ALK: variants seen among roughly 807,000 people sequenced by gnomAD.
ALK encodes ALK receptor tyrosine kinase, also known as ALK tyrosine kinase receptor.
Under a neutral mutation model 163.1 loss-of-function variants are expected in ALK, and 74 were observed. The ratio of observed to expected loss-of-function variants is 0.45; its 90% CI spans 0.38 to 0.55. The LOEUF (loss-of-function observed/expected upper bound fraction) is 0.55. ALK is among the 20% of genes least tolerant of loss of function. The pLI is 0.00. For missense variants in ALK, 2,063 were observed against 2,105.3 expected, an observed-to-expected ratio of 0.98 and a Z score of 0.39; for synonymous variants, 960 against 843.2, an observed-to-expected ratio of 1.14 and a Z score of -2.40.
At chr2:29,761,347 C>A (rs779560535) in intron 1 of ALK, among the ~76,000 whole-genome samples, 1 of 152,156 alleles carries the variant, frequency 6.6e-6, no homozygotes, top group Non-Finnish European at 1.5e-5. Flanking sequence ...GGGACATATT[C>A]CTTGACCTTT....
chr2:29,506,218 C>T (rs1343003429), intron 4 of ALK, among the ~76,000 whole-genome samples: 1 of 152,178 alleles, frequency 6.6e-6, no homozygotes, highest in Admixed American at 6.5e-5. Flanking sequence ...AAACTTTGGG[C>T]ATTTAATCCC....
chr2:29,587,009 G>A (rs1462749720), intron 3 of ALK, among the ~76,000 whole-genome samples: 4 of 152,138 alleles, frequency 2.6e-5, no homozygotes, highest in Non-Finnish European at 4.4e-5. Context: ...ACCCTTACCT[G>A]CCCCTCAATG....
In ALK at chr2:29,531,900, T is replaced by G; in HGVS notation, c.1154+15A>C. 1.2e-6 allele frequency: 2 copies of G among 1,613,944 alleles called. No individual in the cohort carries two copies. Among genetic ancestry groups the G allele is most frequent in the Non-Finnish European group, 8.5e-7 (1 of 1,179,922 alleles). On this transcript the variant is annotated intron_variant, in intron 4 of 28. Coordinates refer to ENST00000389048, the MANE Select transcript of ALK (RefSeq NM_004304.5). The stretch of plus-strand genomic sequence containing the variant: ...CCTGGTATAAAATCAATTTTGGACA[T>G]GGAGAAGTACTTACCCATGCTTCCC...
intron 3 of ALK, among the ~76,000 whole-genome samples, chr2:29,692,413 G>A (rs917660365): frequency 6.6e-6 from 1 of 152,180 alleles, no homozygotes; most frequent in Non-Finnish European, 1.5e-5. Context: ...TTGGCATCAA[G>A]GACTAGTTTC....
At chr2:29,363,032 T>C (rs774073249) in intron 5 of ALK, among the ~76,000 whole-genome samples, 4 of 152,210 alleles carry the variant, frequency 2.6e-5, no homozygotes, top group Non-Finnish European at 4.4e-5. Flanking sequence ...TTCATCAACA[T>C]CCATGACTTG....
At chr2:29,602,436 A>C (rs1411576722) in intron 3 of ALK, among the ~76,000 whole-genome samples, 1 of 152,206 alleles carries the variant, frequency 6.6e-6, no homozygotes, top group Non-Finnish European at 1.5e-5. Context: ...AGTAGGGCTG[A>C]TCTGGTTAAA....
At chr2:29,467,980 A>G (rs1671253430) in intron 4 of ALK, among the ~76,000 whole-genome samples, 1 of 152,156 alleles carries the variant, frequency 6.6e-6, no homozygotes. Flanking sequence ...ATCCAACATG[A>G]TAAGAATCGA....
intron 1 of ALK, among the ~76,000 whole-genome samples, chr2:29,722,188 C>T (rs888688597): frequency 4.6e-5 from 7 of 152,192 alleles, no homozygotes; most frequent in Admixed American, 2.6e-4. Flanking sequence ...GAGGAGGAAA[C>T]GTCTCCTTTT....
Position 29,547,422 on chromosome 2 carries a change from C to A in ALK, c.953-15306G>T, listed in dbSNP as rs56289802. Among the ~76,000 whole-genome samples the A allele has an allele frequency of 4.0e-3, 614 of 152,240 alleles. 6 individuals carry two copies. The highest frequency in any genetic ancestry group is 0.013 in the African/African-American group (536 of 41,552). On this transcript the variant is annotated intron_variant, in intron 3 of 28. Transcript: ENST00000389048. ...GATCAGCCTGGGCAACATGGTGAAA[C>A]CCCATCTCTACTAAAATACAAAAGA...
chr2:29,464,413 A>G (rs1671157047), intron 4 of ALK, among the ~76,000 whole-genome samples: 1 of 152,186 alleles, frequency 6.6e-6, no homozygotes, highest in South Asian at 2.1e-4. Flanking sequence ...TCTCCTGTTG[A>G]GTCATGAAAA....
At chr2:29,569,009 G>A (rs1674276811) in intron 3 of ALK, among the ~76,000 whole-genome samples, 1 of 152,142 alleles carries the variant, frequency 6.6e-6, no homozygotes, top group Non-Finnish European at 1.5e-5. Flanking sequence ...TCAGACCTTA[G>A]CCTTGGCTCT....
intron 5 of ALK, among the ~76,000 whole-genome samples, chr2:29,342,839 C>A (rs75181221): frequency 1.8e-3 from 275 of 151,234 alleles, no homozygotes; most frequent in African/African-American, 6.3e-3. Context: ...AGTGACGAAG[C>A]CTCTGAGCTA....
At chr2:29,686,406 C>T (rs1475178326) in intron 3 of ALK, among the ~76,000 whole-genome samples, 1 of 152,184 alleles carries the variant, frequency 6.6e-6, no homozygotes, top group Non-Finnish European at 1.5e-5. Flanking sequence ...AGGTGGGTCT[C>T]TCTCCCTGGG....
At chr2:29,595,534 A>C (rs533466385) in intron 3 of ALK, among the ~76,000 whole-genome samples, 1 of 152,080 alleles carries the variant, frequency 6.6e-6, no homozygotes, top group South Asian at 2.1e-4. Context: ...GTTAGGCAGG[A>C]TGGTCTCGAT....
intron 3 of ALK, among the ~76,000 whole-genome samples, chr2:29,648,172 C>A (rs1553341597): frequency 6.6e-6 from 1 of 152,048 alleles, no homozygotes; most frequent in Non-Finnish European, 1.5e-5. Context: ...AATGCCTACC[C>A]CAATTTAGTT....
chr2:29,573,089 C>T (rs1030492985), intron 3 of ALK, among the ~76,000 whole-genome samples: 16 of 152,244 alleles, frequency 1.1e-4, no homozygotes, highest in African/African-American at 3.6e-4. Flanking sequence ...CCTGGCTTCT[C>T]TTTTCCTGAT....
chr2:29,532,171 T>C lies in ALK; in HGVS notation c.953-55A>G, dbSNP rs1673139639. The C allele has an allele frequency of 2.6e-6, 4 of 1,540,816 alleles. No homozygotes were observed. The African/African-American group carries it at 5.5e-5, about 21-fold the overall frequency. ...AGATGTGTTCAGGTAAGACCAGCAG[T>C]AGCTCTGTGGCAAGACTTAGAGACA... is the stretch of plus-strand genomic sequence containing the variant. On this transcript the variant is annotated intron_variant, in intron 3 of 28. Coordinates refer to ENST00000389048, the MANE Select transcript of ALK (RefSeq NM_004304.5).
At chr2:29,608,666 G>A (rs1237648882) in intron 3 of ALK, among the ~76,000 whole-genome samples, 1 of 152,150 alleles carries the variant, frequency 6.6e-6, no homozygotes, top group Non-Finnish European at 1.5e-5. Context: ...TCTAGACCAG[G>A]CTCTTTCTAT....
intron 1 of ALK, among the ~76,000 whole-genome samples, chr2:29,892,844 G>C (rs371229510): frequency 1.3e-5 from 2 of 152,158 alleles, no homozygotes; most frequent in Non-Finnish European, 2.9e-5. Flanking sequence ...TGTGGTAGAG[G>C]GGGGAGAATG....
Sources: gnomAD v4.1 joint callset for allele counts (sites outside exome capture counted in the v4.1 genomes callset) on GRCh38, gnomAD v4.1.1 for gene constraint, MANE v1.5 for transcripts, NCBI Gene and HGNC (gene_info 2026-07-23, HGNC 2026-07-21) for gene names.